Variants in ABLIM2 observed in about 807,000 individuals in gnomAD.
The protein encoded by ABLIM2 is actin-binding LIM protein 2.
A neutral mutation model predicts 97.7 loss-of-function variants in ABLIM2; 53 were observed. The ratio of observed to expected loss-of-function variants is 0.54; its 90% CI spans 0.44 to 0.68. The LOEUF (loss-of-function observed/expected upper bound fraction) is 0.68, where lower values mean the gene tolerates loss of function less well. Among genes scored for constraint, ABLIM2 ranks in the 30% least tolerant of loss-of-function variants. The pLI is 0.00. For synonymous variants in ABLIM2, 361 were observed against 345.8 expected (o/e 1.04, Z -0.49); for missense variants, 835 against 867.2 (o/e 0.96, Z 0.47).
Position 8,029,777 on chromosome 4 carries a change from C to A in ABLIM2, c.1048-1G>T, listed in dbSNP as rs868182650. On this transcript the variant is annotated splice_acceptor_variant, in intron 10 of 20. Coordinates refer to ENST00000447017, the MANE Select transcript of ABLIM2 (RefSeq NM_001130083.2). LOFTEE classifies it high-confidence loss of function. ...TGTAGGACCGGTCATCCTGATCCCC[C>A]TGGGAGGGAAGATGCAGCTTGTGAA... 1 of 1,570,004 alleles carries A rather than the reference C, an allele frequency of 6.4e-7. No individual in the cohort carries two copies. The highest frequency in any genetic ancestry group is 1.4e-5 in the African/African-American group (1 of 73,968).
In ABLIM2 at chr4:8,128,556, A is replaced by C. The variant is rs1848846040; in HGVS notation, c.11-21919T>G. 6.6e-6 allele frequency among the ~76,000 whole-genome samples: 1 copy of C among 152,180 alleles called. No individual in the cohort carries two copies. Among genetic ancestry groups the C allele is most frequent in the South Asian group, 2.1e-4 (1 of 4,828 alleles). The stretch of plus-strand genomic sequence containing the variant: ...TTACCAGATGTACTCCCAGGCTCTA[A>C]AACACGAATGCACTAAACCTCCAGT... On this transcript the variant is annotated intron_variant, in intron 1 of 20. Transcript: ENST00000447017. This position sits in a 1 kb window ranked among gnomAD's most constrained non-coding sequence, Gnocchi z 4.9.
rs778951780 is a variant in ABLIM2 at position 8,072,674 on chromosome 4, C to T, written c.675+4954G>A. On this transcript the variant is annotated intron_variant, in intron 6 of 20. Transcript: ENST00000447017. This position sits in a 1 kb window ranked among gnomAD's most constrained non-coding sequence, Gnocchi z 5.8. ...CCAGTCTGGCTCTGCCACCGACTCT[C>T]AGTGGCTGATGGCCGGGCACGTGGG... Among the ~76,000 whole-genome samples the T allele has an allele frequency of 1.3e-5, 2 of 152,260 alleles. No homozygotes were observed. The highest frequency in any genetic ancestry group is 2.9e-5 in the Non-Finnish European group (2 of 68,042).
chr4:8,097,456 G>C (rs181595443), intron 2 of ABLIM2, among the ~76,000 whole-genome samples, 174 bp from the exon 3 acceptor site: 33 of 152,334 alleles, frequency 2.2e-4, no homozygotes, highest in African/African-American at 7.7e-4. Flanking sequence ...TCCTGGGACA[G>C]ACTCCAGCTC....
At position 8,071,083 on chromosome 4, in the gene ABLIM2, C is replaced by T. The variant is rs541305846; in HGVS notation, c.675+6545G>A. 9.2e-5 allele frequency among the ~76,000 whole-genome samples: 14 copies of T among 152,328 alleles called. No individual in the cohort carries two copies. The South Asian group carries it at 2.9e-3, about 32-fold the overall frequency. On this transcript the variant is annotated intron_variant, in intron 6 of 20. Coordinates refer to ENST00000447017, the MANE Select transcript of ABLIM2 (RefSeq NM_001130083.2). The surrounding 1 kb of genome is among the most constrained non-coding windows in gnomAD (Gnocchi z 6.2). ...GCTTCTCCTCATCCACACCTCCTCC[C>T]TTTATGCAGCCCTGGTCTAGAGGCT...
At chr4:8,057,400 T>C (rs1799994848) in intron 7 of ABLIM2, among the ~76,000 whole-genome samples, 1 of 152,228 alleles carries the variant, frequency 6.6e-6, no homozygotes, top group African/African-American at 2.4e-5. Context: ...CTTTTGATCT[T>C]TCTAACGTTT....
In ABLIM2 at chr4:8,155,530, G is replaced by C. The variant is rs575626931; in HGVS notation, c.10+3150C>G. On this transcript the variant is annotated intron_variant, in intron 1 of 20. Coordinates refer to ENST00000447017, the MANE Select transcript of ABLIM2 (RefSeq NM_001130083.2). The surrounding 1 kb of genome is among the most constrained non-coding windows in gnomAD (Gnocchi z 4.2). ...CCTAAGAGCAGCATGGAAACAGAAG[G>C]CTGAGCCAGCCACAAGGCCGCCCTT... Among the ~76,000 whole-genome samples the C allele has an allele frequency of 6.6e-6, 1 of 152,234 alleles. No homozygotes were observed. Among genetic ancestry groups the C allele is most frequent in the South Asian group, 2.1e-4 (1 of 4,818 alleles).
chr4:7,976,190 G>T (rs551644060), intron 20 of ABLIM2, among the ~76,000 whole-genome samples: 3 of 152,282 alleles, frequency 2.0e-5, no homozygotes, highest in Non-Finnish European at 2.9e-5. Flanking sequence ...TGGGCACAGA[G>T]CATCTGGCTG....
chr4:8,157,185 C>T (rs905957502), intron 1 of ABLIM2, among the ~76,000 whole-genome samples: 6 of 152,180 alleles, frequency 3.9e-5, no homozygotes, highest in Non-Finnish European at 5.9e-5. Flanking sequence ...CCAACTGCCC[C>T]AGTGCCCCCA....
In ABLIM2 at chr4:8,128,979, T is replaced by C. The variant is rs1848950253; in HGVS notation, c.11-22342A>G. On this transcript the variant is annotated intron_variant, in intron 1 of 20. Coordinates refer to ENST00000447017, the MANE Select transcript of ABLIM2 (RefSeq NM_001130083.2). The surrounding 1 kb of genome is among the most constrained non-coding windows in gnomAD (Gnocchi z 4.9). ...GTCTATTATTCAGAAGCCACCAGTC[T>C]ATGAGGCTTCGTTGAGCTGCACCGA... 6.6e-6 allele frequency among the ~76,000 whole-genome samples: 1 copy of C among 151,580 alleles called. No individual in the cohort carries two copies. The highest frequency in any genetic ancestry group is 2.1e-4 in the South Asian group (1 of 4,762).
chr4:8,006,278 C>G, intron 16 of ABLIM2, among the ~76,000 whole-genome samples: 1 of 152,196 alleles, frequency 6.6e-6, no homozygotes, highest in South Asian at 2.1e-4. Flanking sequence ...CACACAGCAC[C>G]CCCCTCTCTT....
rs1033534409 is a variant in ABLIM2 at position 8,017,855 on chromosome 4, C to T, written c.1423+1763G>A. On this transcript the variant is annotated intron_variant, in intron 14 of 20. Coordinates refer to ENST00000447017, the MANE Select transcript of ABLIM2 (RefSeq NM_001130083.2). Reference sequence around the variant, plus strand: ...AAAAATACAAAAAAATTAGCTGGCACGATGGTTTGCTCCTGTAGTCCCAGG... The same window carrying T: ...AAAAATACAAAAAAATTAGCTGGCATGATGGTTTGCTCCTGTAGTCCCAGG... Among the ~76,000 whole-genome samples, 16 of 152,004 alleles carry T rather than the reference C, an allele frequency of 1.1e-4. No homozygotes were observed. In the East Asian group the frequency reaches 1.2e-3, roughly 11 times the overall value.
At chr4:8,106,471 G>A (rs770361119) in intron 2 of ABLIM2, 23 bp downstream of exon 2, 1 of 1,580,656 alleles carries the variant, frequency 6.3e-7, no homozygotes, top group Non-Finnish European at 8.6e-7. Context: ...GGGCCACACT[G>A]CAGGGGACCG....
chr4:8,126,168 GC>G (rs1343735095), intron 1 of ABLIM2, among the ~76,000 whole-genome samples: 1 of 152,150 alleles, frequency 6.6e-6, no homozygotes, highest in African/African-American at 2.4e-5. Context: ...CTGAGGGGGG[GC>G]TATGGACAAG....
At chr4:8,037,439 C>T (rs1785284935) in intron 9 of ABLIM2, among the ~76,000 whole-genome samples, 1 of 151,936 alleles carries the variant, frequency 6.6e-6, no homozygotes, top group South Asian at 2.1e-4. Flanking sequence ...GTATAGACCC[C>T]CCTCACATCC....
intron 3 of ABLIM2, among the ~76,000 whole-genome samples, chr4:8,090,723 T>A (rs574669810): frequency 1.8e-4 from 27 of 152,186 alleles, no homozygotes; most frequent in Middle Eastern, 3.4e-3. Context: ...TTATTTTTAT[T>A]TTTTTGCGGG....
chr4:8,063,048 C>T (rs189096216), intron 6 of ABLIM2, among the ~76,000 whole-genome samples: 18 of 152,312 alleles, frequency 1.2e-4, no homozygotes, highest in Admixed American at 1.2e-3. Context: ...ACATGTGAAT[C>T]AAGGGAGAAC....
At chr4:7,977,416 TAC>T (rs1236520062) in intron 20 of ABLIM2, among the ~76,000 whole-genome samples, 3 of 152,096 alleles carry the variant, frequency 2.0e-5, no homozygotes, top group Non-Finnish European at 2.9e-5. Context: ...TATACACACA[TAC>T]ACACACATGC....
rs1413046228 is a variant in ABLIM2 at position 8,046,751 on chromosome 4, AT to A, written c.823-1511del. Among the ~76,000 whole-genome samples the A allele has an allele frequency of 6.6e-6, 1 of 152,124 alleles. No individual in the cohort carries two copies. Among genetic ancestry groups the A allele is most frequent in the Non-Finnish European group, 1.5e-5 (1 of 68,024 alleles). ...CCCCAGGACCTCAGAATGTGGCTGT[AT>A]TTGGAGACAGGGTTTTTAAAAGGTC... On this transcript the variant is annotated intron_variant, in intron 8 of 20. Coordinates refer to ENST00000447017, the MANE Select transcript of ABLIM2 (RefSeq NM_001130083.2). The surrounding 1 kb of genome is among the most constrained non-coding windows in gnomAD (Gnocchi z 4.4).
intron 1 of ABLIM2, among the ~76,000 whole-genome samples, chr4:8,135,426 G>A (rs1850047679): frequency 6.6e-6 from 1 of 152,214 alleles, no homozygotes. Context: ...AGGGTGTTAG[G>A]ACGTGAGGCC....
Sources: gnomAD v4.1 joint callset for allele counts (sites outside exome capture counted in the v4.1 genomes callset) on GRCh38, gnomAD v4.1.1 for gene constraint, Gnocchi (gnomAD v3.1) non-coding constraint, MANE v1.5 for transcripts, NCBI Gene and HGNC (gene_info 2026-07-23, HGNC 2026-07-21) for gene names.